FBXO31: variants seen among roughly 807,000 people sequenced by gnomAD.
The protein encoded by FBXO31 is F-box protein 31, also known as F-box only protein 31.
A neutral mutation model predicts 54.4 loss-of-function variants in FBXO31; 24 were observed. The observed-to-expected ratio is 0.44, with a 90% CI of 0.32 to 0.62. The LOEUF (loss-of-function observed/expected upper bound fraction) is 0.62, where lower values mean the gene tolerates loss of function less well. Ranked by LOEUF, FBXO31 falls within the 20% of genes least tolerant of loss-of-function variation. The pLI, the probability that FBXO31 is intolerant of heterozygous loss-of-function variation, is 0.05. For missense variants in FBXO31, 665 were observed against 787.1 expected, an observed-to-expected ratio of 0.84 and a Z score of 1.86; for synonymous variants, 388 against 335.6, an observed-to-expected ratio of 1.16 and a Z score of -1.71.
At chr16:87,350,582 T>C (rs1279285206) in intron 2 of FBXO31, among the ~76,000 whole-genome samples, 1 of 152,136 alleles carries the variant, frequency 6.6e-6, no homozygotes, top group Admixed American at 6.6e-5. Flanking sequence ...CGCCTGCAAG[T>C]GTGAAATGCA....
chr16:87,373,268 A>G (rs980936223), intron 1 of FBXO31, among the ~76,000 whole-genome samples: 1 of 151,718 alleles, frequency 6.6e-6, no homozygotes, highest in Admixed American at 6.6e-5. Context: ...TGGCTAACAC[A>G]GTGAAACCCT....
intron 1 of FBXO31, among the ~76,000 whole-genome samples, chr16:87,376,231 T>A (rs566585880): frequency 6.6e-6 from 1 of 152,130 alleles, no homozygotes; most frequent in African/African-American, 2.4e-5. Flanking sequence ...CCCATTTTTG[T>A]TGCTTGCTCT....
Position 87,330,366 on chromosome 16 carries a change from C to G in FBXO31, c.*922G>C, listed in dbSNP as rs899766578. ...CGTCATCTCATATGGGCACTCCTGG[C>G]ACCTGTGTGGACCACTCACTGCTTC... On this transcript the variant is annotated 3_prime_UTR_variant, in exon 9 of 9. Coordinates refer to ENST00000311635, the MANE Select transcript of FBXO31 (RefSeq NM_024735.5). The G allele has an allele frequency of 6.6e-6, 1 of 152,324 alleles. No individual in the cohort carries two copies. Among genetic ancestry groups the G allele is most frequent in the Non-Finnish European group, 1.5e-5 (1 of 68,074 alleles). 9.4% of individuals were successfully genotyped at this position (152,324 alleles called of 1,614,324 possible). A position where few individuals can be genotyped will look rare whatever the true frequency, so the allele number is the denominator to read the frequency against.
intron 1 of FBXO31, among the ~76,000 whole-genome samples, chr16:87,375,436 A>G (rs1181993950): frequency 6.6e-6 from 1 of 152,200 alleles, no homozygotes; most frequent in Admixed American, 6.6e-5. Context: ...GGATGAAGTG[A>G]GCCGAGATCA....
intron 3 of FBXO31, among the ~76,000 whole-genome samples, chr16:87,344,532 G>A (rs1056095624): frequency 1.3e-5 from 2 of 152,236 alleles, no homozygotes; most frequent in Non-Finnish European, 2.9e-5. Context: ...CAACCAAGGA[G>A]AGAATTCCAT....
Position 87,342,967 on chromosome 16 carries a change from C to T in FBXO31, c.658-16G>A. 1 of 1,596,636 alleles carries T rather than the reference C, an allele frequency of 6.3e-7. No homozygotes were observed. The highest frequency in any genetic ancestry group is 1.3e-5 in the African/African-American group (1 of 74,932). On this transcript the variant is annotated splice_polypyrimidine_tract_variant and intron_variant, in intron 4 of 8. Coordinates refer to ENST00000311635, the MANE Select transcript of FBXO31 (RefSeq NM_024735.5). ...TCTTCACAATCTTCAGTGTTTGCAA[C>T]ACAAGGAAAGAGAAGAGTGAGGAAC...
rs143630606 is a variant in FBXO31, at chr16:87,352,439, G to C, written c.413-5189C>G. On this transcript the variant is annotated intron_variant, in intron 2 of 8. Coordinates refer to ENST00000311635, the MANE Select transcript of FBXO31 (RefSeq NM_024735.5). ...GTAAGATTTTAACCCTTATTAAAAAGAAAATAACATAACCAAAAAAAAAAT... is the reference window on the plus strand; with the variant it reads ...GTAAGATTTTAACCCTTATTAAAAACAAAATAACATAACCAAAAAAAAAAT... Among the ~76,000 whole-genome samples, 34 of 151,668 alleles carry C rather than the reference G, an allele frequency of 2.2e-4. No individual in the cohort carries two copies. The Middle Eastern group carries it at 0.014, about 61-fold the overall frequency.
chr16:87,348,168 C>T (rs1477207448), intron 2 of FBXO31, among the ~76,000 whole-genome samples: 1 of 152,170 alleles, frequency 6.6e-6, no homozygotes, highest in Non-Finnish European at 1.5e-5. Flanking sequence ...TCCACGACTC[C>T]CTGGCCAGGC....
rs911217613 is a variant in FBXO31 at position 87,328,504 on chromosome 16, C to G, written c.*2784G>C. 6.6e-6 allele frequency: 1 copy of G among 152,306 alleles called. No homozygotes were observed. Among genetic ancestry groups the G allele is most frequent in the African/African-American group, 2.4e-5 (1 of 41,472 alleles). The allele number at this position is 152,306 out of a possible 1,614,324, so 9.4% of individuals were successfully genotyped here. A position where few individuals can be genotyped will look rare whatever the true frequency, so the allele number is the denominator to read the frequency against. ...AGCCACTCACACTCAGCAGTGGACA[C>G]TTGAGGTCACGGCCCAGGTGGGCTG... On this transcript the variant is annotated 3_prime_UTR_variant, in exon 9 of 9. Coordinates refer to ENST00000311635, the MANE Select transcript of FBXO31 (RefSeq NM_024735.5).
chr16:87,344,399 C>G (rs1273000030), intron 3 of FBXO31, among the ~76,000 whole-genome samples: 2 of 152,344 alleles, frequency 1.3e-5, no homozygotes, highest in East Asian at 3.9e-4. Context: ...GCCGATCGTG[C>G]AAATGCAGAG....
At chr16:87,344,478 C>A (rs911085001) in intron 3 of FBXO31, among the ~76,000 whole-genome samples, 1 of 152,192 alleles carries the variant, frequency 6.6e-6, no homozygotes, top group Non-Finnish European at 1.5e-5. Flanking sequence ...CCTAGCCTCA[C>A]CCCCTTCTGG....
chr16:87,362,026 AC>A (rs1906156199), intron 1 of FBXO31, among the ~76,000 whole-genome samples: 1 of 151,522 alleles, frequency 6.6e-6, no homozygotes, highest in Non-Finnish European at 1.5e-5. Context: ...TAATAAATAC[AC>A]CCAGCGAGGA....
At chr16:87,339,529 C>T (rs931161290) in intron 5 of FBXO31, among the ~76,000 whole-genome samples, 1 of 152,164 alleles carries the variant, frequency 6.6e-6, no homozygotes, top group Non-Finnish European at 1.5e-5. Flanking sequence ...TGCTCTCACT[C>T]GAGGATAGGT....
chr16:87,336,875 T>C lies in FBXO31; in HGVS notation c.733-611A>G, dbSNP rs1015085458. ...TGCCATCACATGGTGCTGAGGATAT[T>C]TCGTGCTTAATGGTTTGATTCTACA... On this transcript the variant is annotated intron_variant, in intron 5 of 8. Coordinates refer to ENST00000311635, the MANE Select transcript of FBXO31 (RefSeq NM_024735.5). The surrounding 1 kb of genome is among the most constrained non-coding windows in gnomAD (Gnocchi z 6.5). Among the ~76,000 whole-genome samples, 11 of 152,226 alleles carry C rather than the reference T, an allele frequency of 7.2e-5. No individual in the cohort carries two copies. The highest frequency in any genetic ancestry group is 2.7e-4 in the African/African-American group (11 of 41,454).
chr16:87,380,296 C>CA (rs71156230), intron 1 of FBXO31, among the ~76,000 whole-genome samples: 53,990 of 97,578 alleles, frequency 0.55, 14,305 homozygotes, highest in East Asian at 0.95. Flanking sequence ...GACTCCGTCT[C>CA]AAAAAAAAAA....
At chr16:87,376,567 A>G (rs1213096773) in intron 1 of FBXO31, among the ~76,000 whole-genome samples, 1 of 152,132 alleles carries the variant, frequency 6.6e-6, no homozygotes, top group African/African-American at 2.4e-5. Context: ...GAGACACCAC[A>G]CCTGGCCCCA....
Position 87,331,446 on chromosome 16 carries a change from A to G in FBXO31, c.1462T>C (p.Phe488Leu). The change falls in exon 9 of 9, where the codon TTC (phenylalanine) becomes CTC (leucine). Residue 488 changes from phenylalanine to leucine, a missense_variant. By Grantham distance (22) the Phe-to-Leu change is conservative (BLOSUM62 0). Around this residue, in one of 4 missense-constraint regions of FBXO31, gnomAD observed 71 missense variants for 105.8 expected, o/e 0.67. Coordinates refer to ENST00000311635, the MANE Select transcript of FBXO31 (RefSeq NM_024735.5). The part of the protein sequence containing the change: ...FTSPERTPGV[F>L]ILFDEDRFGF... ...AAGCGGTCCTCATCGAAGAGGATGA[A>G]GACCCCGGGGGTGCGTTCAGGGCTG... The G allele has an allele frequency of 6.2e-7, 1 of 1,613,744 alleles. No homozygotes were observed. Among genetic ancestry groups the G allele is most frequent in the Non-Finnish European group, 8.5e-7 (1 of 1,179,956 alleles).
At chr16:87,377,584 A>T (rs1906878709) in intron 1 of FBXO31, among the ~76,000 whole-genome samples, 1 of 152,112 alleles carries the variant, frequency 6.6e-6, no homozygotes, top group African/African-American at 2.4e-5. Flanking sequence ...CCAGTACTTT[A>T]GGAGGCCAAG....
At chr16:87,341,018 A>G (rs1359095403) in intron 5 of FBXO31, among the ~76,000 whole-genome samples, 1 of 152,192 alleles carries the variant, frequency 6.6e-6, no homozygotes, top group African/African-American at 2.4e-5. Context: ...AACAGTTCAT[A>G]AAACCACAGA....
Sources: gnomAD v4.1 joint callset for allele counts (sites outside exome capture counted in the v4.1 genomes callset) on GRCh38, gnomAD v4.1.1 for gene constraint, gnomAD v4.1.1 regional missense constraint, Gnocchi (gnomAD v3.1) non-coding constraint, MANE v1.5 for transcripts, NCBI Gene and HGNC (gene_info 2026-07-23, HGNC 2026-07-21) for gene names.